ZMYM4: variants seen among roughly 807,000 people sequenced by gnomAD.
ZMYM4 encodes zinc finger MYM-type containing 4.
Under a neutral mutation model 183.2 loss-of-function variants are expected in ZMYM4, and 31 were observed. The observed-to-expected ratio is 0.17, with a 90% CI of 0.13 to 0.23. ZMYM4 has a LOEUF of 0.23. Among genes scored for constraint, ZMYM4 ranks in the 10% least tolerant of loss-of-function variants. The pLI, the probability that ZMYM4 is intolerant of heterozygous loss-of-function variation, is 1.00. For synonymous variants in ZMYM4, 592 were observed against 631.2 expected (o/e 0.94, Z 0.93); for missense variants, 1,273 against 1,840.3 (o/e 0.69, Z 5.64).
intron 1 of ZMYM4, among the ~76,000 whole-genome samples, chr1:35,292,808 G>T (rs80002402): frequency 4.6e-5 from 7 of 151,964 alleles, no homozygotes; most frequent in Non-Finnish European, 1.0e-4. Context: ...CGATTTAGTT[G>T]TTTTTAATTA....
chr1:35,391,203 A>G (rs989194698), intron 15 of ZMYM4, among the ~76,000 whole-genome samples: 6 of 152,198 alleles, frequency 3.9e-5, no homozygotes, highest in African/African-American at 1.4e-4. Context: ...GAGAAGGGGA[A>G]GTCTGCAAAG....
intron 2 of ZMYM4, among the ~76,000 whole-genome samples, chr1:35,342,530 C>T (rs1473076632): frequency 6.6e-6 from 1 of 152,096 alleles, no homozygotes; most frequent in Non-Finnish European, 1.5e-5. Flanking sequence ...AATGCATTTC[C>T]CTGGTAACCA....
intron 1 of ZMYM4, among the ~76,000 whole-genome samples, chr1:35,288,566 CA>C (rs111555272): frequency 1.3e-4 from 20 of 152,318 alleles, no homozygotes; most frequent in African/African-American, 4.8e-4. Context: ...TTCCACCCAG[CA>C]CAGCTGAGAC....
chr1:35,282,295 T>C (rs2148689981), intron 1 of ZMYM4, among the ~76,000 whole-genome samples: 1 of 152,350 alleles, frequency 6.6e-6, no homozygotes, highest in East Asian at 1.9e-4. Flanking sequence ...GTTCTACCTT[T>C]TGTAAGTCTC....
chr1:35,363,424 A>G (rs1643992388), intron 5 of ZMYM4, among the ~76,000 whole-genome samples: 1 of 152,196 alleles, frequency 6.6e-6, no homozygotes, highest in South Asian at 2.1e-4. Flanking sequence ...TCTACCTACT[A>G]CATGCCAGTA....
chr1:35,343,851 G>C (rs970747844), intron 2 of ZMYM4, among the ~76,000 whole-genome samples: 7 of 150,274 alleles, frequency 4.7e-5, no homozygotes, highest in African/African-American at 1.7e-4. Context: ...GCGACAGAGC[G>C]AGACTCTGTC....
chr1:35,362,951 A>G (rs1643977027), intron 5 of ZMYM4, among the ~76,000 whole-genome samples: 1 of 152,192 alleles, frequency 6.6e-6, no homozygotes, highest in Non-Finnish European at 1.5e-5. Flanking sequence ...CCAGCAGATC[A>G]CTTGAGGTCA....
chr1:35,373,307 T>A (rs574311101), intron 7 of ZMYM4, among the ~76,000 whole-genome samples: 4 of 151,022 alleles, frequency 2.6e-5, no homozygotes, highest in Non-Finnish European at 5.9e-5. Flanking sequence ...TCTACTTCAA[T>A]ATACCCAGCA....
chr1:35,290,945 C>T (rs1640730906), intron 1 of ZMYM4, among the ~76,000 whole-genome samples: 1 of 152,132 alleles, frequency 6.6e-6, no homozygotes. Flanking sequence ...ATTACTGGTT[C>T]AGGCATGTGA....
intron 5 of ZMYM4, among the ~76,000 whole-genome samples, chr1:35,365,239 CTTTTTTT>C (rs746304675): frequency 3.9e-3 from 337 of 85,318 alleles, no homozygotes; most frequent in African/African-American, 0.014. Flanking sequence ...TAATCAAAGT[CTTTTTTT>C]TTTTTTTTTT....
rs571718186 is a variant in ZMYM4 at position 35,278,979 on chromosome 1, C to T, written c.39+9894C>T. On this transcript the variant is annotated intron_variant, in intron 1 of 29. Transcript: ENST00000314607. ...GAAAATGGAAAGAATAAAGGATCTC[C>T]GGTTTCAAGCAAGTTCAAAACTCAG... Among the ~76,000 whole-genome samples, 41 of 152,238 alleles carry T rather than the reference C, an allele frequency of 2.7e-4. 1 individual carries two copies. Among genetic ancestry groups the T allele is most frequent in the African/African-American group, 8.7e-4 (36 of 41,534 alleles).
chr1:35,319,922 G>A (rs1194749026), intron 1 of ZMYM4, among the ~76,000 whole-genome samples: 1 of 152,176 alleles, frequency 6.6e-6, no homozygotes, highest in Non-Finnish European at 1.5e-5. Flanking sequence ...GTTTCAAACT[G>A]CTTATTAACT....
At chr1:35,281,829 C>A (rs1308305435) in intron 1 of ZMYM4, among the ~76,000 whole-genome samples, 1 of 152,128 alleles carries the variant, frequency 6.6e-6, no homozygotes, top group Non-Finnish European at 1.5e-5. Flanking sequence ...TCCCTTGCGC[C>A]AGCCTCTGGT....
At chr1:35,392,578 A>G in intron 16 of ZMYM4, 69 bp from the exon 17 acceptor site, 1 of 1,435,578 alleles carries the variant, frequency 7.0e-7, no homozygotes, top group Non-Finnish European at 9.6e-7. Context: ...ATGTACTGAT[A>G]ATCAGCTTTT....
chr1:35,317,097 G>C (rs2148799765), intron 1 of ZMYM4, among the ~76,000 whole-genome samples: 1 of 149,974 alleles, frequency 6.7e-6, no homozygotes, highest in African/African-American at 2.5e-5. Context: ...ACTCCAGCCT[G>C]GGGGACAAGA....
rs1644981950 is a variant in ZMYM4 at position 35,405,268 on chromosome 1, C to T, written c.3700+74C>T. 3 of 1,578,462 alleles carry T rather than the reference C, an allele frequency of 1.9e-6. No individual in the cohort carries two copies. The South Asian group carries it at 3.5e-5, about 19-fold the overall frequency. ...ACAGATAATCTACTGAAAAGGGATA[C>T]ATTTTAGGTCAAAAACCCCATAAAA... On this transcript the variant is annotated intron_variant, in intron 24 of 29. Coordinates refer to ENST00000314607, the MANE Select transcript of ZMYM4 (RefSeq NM_005095.3).
intron 1 of ZMYM4, among the ~76,000 whole-genome samples, chr1:35,314,267 T>C (rs1462465072): frequency 4.0e-5 from 6 of 151,742 alleles, no homozygotes; most frequent in African/African-American, 1.5e-4. Context: ...ATTTTTCTTT[T>C]CCCTCAAAAA....
chr1:35,293,436 C>T (rs770427208), intron 1 of ZMYM4, among the ~76,000 whole-genome samples: 1 of 152,052 alleles, frequency 6.6e-6, no homozygotes, highest in African/African-American at 2.4e-5. Flanking sequence ...GCCTCTGCCT[C>T]CTGAGTAGCT....
intron 2 of ZMYM4, among the ~76,000 whole-genome samples, chr1:35,332,727 C>A (rs1642807471): frequency 6.6e-6 from 1 of 152,106 alleles, no homozygotes; most frequent in East Asian, 1.9e-4. Flanking sequence ...GACAGGCTCT[C>A]ATCCTGTCAC....
Sources: allele counts gnomAD v4.1 joint callset (sites outside exome capture counted in the v4.1 genomes callset), GRCh38; gene constraint gnomAD v4.1.1; transcripts MANE v1.5; gene names NCBI Gene and HGNC (gene_info 2026-07-23, HGNC 2026-07-21).